ZNF680: variants seen among roughly 807,000 people sequenced by gnomAD.
ZNF680 encodes the protein zinc finger protein 680.
ZNF680 carries 6 observed loss-of-function variants against 12.1 expected under a neutral mutation model. The ratio of observed to expected loss-of-function variants is 0.49; its 90% CI spans 0.27 to 0.98. The LOEUF (loss-of-function observed/expected upper bound fraction) is 0.98, where lower values mean the gene tolerates loss of function less well. ZNF680 is among the 50% of genes least tolerant of loss of function. ZNF680 has a pLI of 0.12. For synonymous variants in ZNF680, 170 were observed against 199.3 expected, an observed-to-expected ratio of 0.85 and a Z score of 1.24; for missense variants, 561 against 616.3, an observed-to-expected ratio of 0.91 and a Z score of 0.95.
intron 1 of ZNF680, among the ~76,000 whole-genome samples, chr7:64,560,563 A>G (rs1165494740): frequency 6.6e-6 from 1 of 152,168 alleles, no homozygotes. Context: ...TGTAATCCCA[A>G]TACTTTGGGA....
intron 2 of ZNF680, chr7:64,544,009 T>C (rs1399560756): frequency 3.3e-6 from 2 of 598,488 alleles, no homozygotes; most frequent in African/African-American, 1.9e-5. Context: ...GAATCAAAAA[T>C]TGGTGGGGGC....
chr7:64,561,529 A>G (rs938954693), intron 1 of ZNF680, among the ~76,000 whole-genome samples: 3 of 152,336 alleles, frequency 2.0e-5, no homozygotes, highest in African/African-American at 7.2e-5. Context: ...GTGTCCAGGG[A>G]TTACTCTTTG....
At chr7:64,513,704 G>A in the ZNF680 span, among the ~76,000 whole-genome samples, 5 of 151,886 alleles carry the variant, frequency 3.3e-5, no homozygotes, top group Non-Finnish European at 5.9e-5. Flanking sequence ...GGAGTGCAGT[G>A]GCGTGATCTC....
chr7:64,502,005 T>TC, the ZNF680 span, among the ~76,000 whole-genome samples: 77 of 104,916 alleles, frequency 7.3e-4, 1 homozygote, highest in Admixed American at 1.7e-3. Context: ...TTCTTTTTTT[T>TC]TTTTTTTTTT....
intron 3 of ZNF680, among the ~76,000 whole-genome samples, chr7:64,540,675 A>C (rs1786456445): frequency 6.6e-6 from 1 of 152,200 alleles, no homozygotes; most frequent in African/African-American, 2.4e-5. Context: ...TAAATATATA[A>C]GTAAAACAAA....
At chr7:64,504,682 G>T in the ZNF680 span, among the ~76,000 whole-genome samples, 1 of 152,110 alleles carries the variant, frequency 6.6e-6, no homozygotes, top group African/African-American at 2.4e-5. Context: ...GAAAAAACTG[G>T]TATCTCTGCA....
At chr7:64,558,782 C>CT (rs537638883) in intron 1 of ZNF680, among the ~76,000 whole-genome samples, 387 of 133,456 alleles carry the variant, frequency 2.9e-3, no homozygotes, top group South Asian at 6.3e-3. Context: ...AAAGGGGTTG[C>CT]TTTTTTTTTT....
At chr7:64,501,743 G>T in the ZNF680 span, 9 of 892,346 alleles carry the variant, frequency 1.0e-5, no homozygotes, top group Admixed American at 1.7e-5. Context: ...CATAGTGGGG[G>T]TTAGAAATCT....
chr7:64,514,823 C>T, the ZNF680 span, among the ~76,000 whole-genome samples: 1 of 152,186 alleles, frequency 6.6e-6, no homozygotes, highest in Admixed American at 6.5e-5. Flanking sequence ...GCAGATGGAT[C>T]ACCTGAGGTC....
intron 3 of ZNF680, among the ~76,000 whole-genome samples, chr7:64,535,107 A>T (rs1562752365): frequency 6.6e-6 from 1 of 152,114 alleles, no homozygotes; most frequent in Non-Finnish European, 1.5e-5. Flanking sequence ...ATTACCACTA[A>T]AGAACTTACT....
intron 3 of ZNF680, among the ~76,000 whole-genome samples, chr7:64,537,394 A>T (rs1292130123): frequency 1.3e-5 from 2 of 152,188 alleles, no homozygotes; most frequent in Non-Finnish European, 2.9e-5. Context: ...AAAAAATTTA[A>T]TTTTGTTAAG....
At chr7:64,540,418 C>T (rs1359996765) in intron 3 of ZNF680, among the ~76,000 whole-genome samples, 2 of 151,682 alleles carry the variant, frequency 1.3e-5, no homozygotes, top group Non-Finnish European at 2.9e-5. Flanking sequence ...GATTCCCCTG[C>T]CTCAGCCTCC....
chr7:64,509,862 C>T, the ZNF680 span, among the ~76,000 whole-genome samples: 5 of 151,994 alleles, frequency 3.3e-5, no homozygotes, highest in African/African-American at 9.7e-5. Context: ...GAGGATGCCC[C>T]TTCTCTCTTG....
chr7:64,547,609 TTC>T (rs1786853148), intron 1 of ZNF680, among the ~76,000 whole-genome samples: 1 of 152,218 alleles, frequency 6.6e-6, no homozygotes, highest in South Asian at 2.1e-4. Context: ...TTTTTATTTC[TTC>T]TGTTTCTCTG....
chr7:64,553,675 C>T (rs1787206531), intron 1 of ZNF680, among the ~76,000 whole-genome samples: 1 of 152,248 alleles, frequency 6.6e-6, no homozygotes, highest in African/African-American at 2.4e-5. Flanking sequence ...CGGCTCACTG[C>T]AACCTCCCTG....
At chr7:64,500,102 GC>G in the ZNF680 span, among the ~76,000 whole-genome samples, 1 of 151,874 alleles carries the variant, frequency 6.6e-6, no homozygotes, top group Non-Finnish European at 1.5e-5. Context: ...TCGGCCAGCT[GC>G]CCCCCTAGGT....
chr7:64,562,873 C>A (rs371582564), intron 1 of ZNF680, 52 bp downstream of exon 1: 3 of 1,608,956 alleles, frequency 1.9e-6, no homozygotes, highest in Admixed American at 1.7e-5. Flanking sequence ...CACTTCCGAC[C>A]GGTTCCAACC....
chr7:64,561,871 C>G (rs977120413), intron 1 of ZNF680, among the ~76,000 whole-genome samples: 1 of 142,686 alleles, frequency 7.0e-6, no homozygotes, highest in Non-Finnish European at 1.5e-5. Context: ...GGAGGCGGAG[C>G]TTGCAGTGAG....
At chr7:64,504,534 A>T in the ZNF680 span, among the ~76,000 whole-genome samples, 1 of 152,240 alleles carries the variant, frequency 6.6e-6, no homozygotes, top group African/African-American at 2.4e-5. Context: ...TACTATAAAC[A>T]ATCTTTTACT....
Sources: gnomAD v4.1 joint callset for allele counts (sites outside exome capture counted in the v4.1 genomes callset) on GRCh38, gnomAD v4.1.1 for gene constraint, MANE v1.5 for transcripts, NCBI Gene and HGNC (gene_info 2026-07-23, HGNC 2026-07-21) for gene names.